Variants in IPO11 observed in about 807,000 individuals in gnomAD.
The protein encoded by IPO11 is importin-11.
In IPO11, 66 loss-of-function variants were observed where a neutral mutation model predicts 143.2. The ratio of observed to expected loss-of-function variants is 0.46; its 90% CI spans 0.38 to 0.57. The LOEUF is 0.57. Ranked by LOEUF, IPO11 falls within the 20% of genes least tolerant of loss-of-function variation. IPO11 has a pLI of 0.00. For synonymous variants in IPO11, 385 were observed against 377.8 expected (o/e 1.02, Z -0.22); for missense variants, 1,026 against 1,141.0 (o/e 0.90, Z 1.45).
intron 5 of IPO11, among the ~76,000 whole-genome samples, chr5:62,454,897 A>G (rs953336958): frequency 6.6e-6 from 1 of 152,208 alleles, no homozygotes; most frequent in African/African-American, 2.4e-5. Context: ...ATATAGGGCA[A>G]AACTTCCAAA....
At chr5:62,586,585 C>T (rs1393110501) in intron 27 of IPO11, among the ~76,000 whole-genome samples, 1 of 151,508 alleles carries the variant, frequency 6.6e-6, no homozygotes, top group East Asian at 1.9e-4. Context: ...AACCCCATCT[C>T]TACTAAAAAT....
chr5:62,618,184 T>C (rs1245627740), intron 29 of IPO11, among the ~76,000 whole-genome samples: 2 of 152,170 alleles, frequency 1.3e-5, no homozygotes, highest in African/African-American at 2.4e-5. Flanking sequence ...AACCAGGTAT[T>C]ACACAAAGGT....
chr5:62,530,588 CTT>C lies in IPO11; in HGVS notation c.2013-120_2013-119del, dbSNP rs1580290076. The C allele has an allele frequency of 1.9e-5, 11 of 590,982 alleles. No individual in the cohort carries two copies. The East Asian group carries it at 3.1e-4, about 17-fold the overall frequency. The allele number at this position is 590,982 out of a possible 1,614,324, so 36.6% of individuals were successfully genotyped here. A position where few individuals can be genotyped will look rare whatever the true frequency, so the allele number is the denominator to read the frequency against. The stretch of plus-strand genomic sequence containing the variant: ...ATTCTTTCTTAGATAATTTTTATAA[CTT>C]AACTGATTATACACTTACCTTTCTT... On this transcript the variant is annotated intron_variant, in intron 21 of 29. Coordinates refer to ENST00000325324, the MANE Select transcript of IPO11 (RefSeq NM_016338.5).
chr5:62,425,570 G>A (rs1179178545), intron 1 of IPO11, among the ~76,000 whole-genome samples: 2 of 151,908 alleles, frequency 1.3e-5, no homozygotes, highest in Non-Finnish European at 2.9e-5. Context: ...CACCCGCCCC[G>A]GCCTCCTAAA....
At chr5:62,535,224 G>A (rs1419500623) in intron 22 of IPO11, among the ~76,000 whole-genome samples, 1 of 151,710 alleles carries the variant, frequency 6.6e-6, no homozygotes, top group Non-Finnish European at 1.5e-5. Flanking sequence ...CTTCTTAAAT[G>A]TTGGTTTTTT....
intron 2 of IPO11, among the ~76,000 whole-genome samples, chr5:62,437,980 G>A (rs976974625): frequency 3.3e-5 from 5 of 152,150 alleles, no homozygotes; most frequent in African/African-American, 1.2e-4. Flanking sequence ...TTTTCTCAAT[G>A]CCAGAATGAA....
chr5:62,511,003 G>A (rs928544686), intron 19 of IPO11, among the ~76,000 whole-genome samples: 3 of 152,090 alleles, frequency 2.0e-5, no homozygotes, highest in African/African-American at 4.8e-5. Flanking sequence ...CAAAGTGCTG[G>A]GATTACAGGC....
intron 29 of IPO11, among the ~76,000 whole-genome samples, chr5:62,607,350 C>A (rs1401193566): frequency 6.6e-6 from 1 of 151,930 alleles, no homozygotes. Context: ...CAACAGGGCA[C>A]CCTGTGGTAG....
At chr5:62,621,422 A>G (rs150988885) in intron 29 of IPO11, among the ~76,000 whole-genome samples, 135 of 152,352 alleles carry the variant, frequency 8.9e-4, no homozygotes, top group African/African-American at 3.1e-3. Flanking sequence ...ACACAGGAAC[A>G]GGAGAGGCCA....
chr5:62,435,064 A>ATATATATGTATATATATGTGTATATATG lies in IPO11; in HGVS notation c.-6-2190_-6-2163dup, dbSNP rs1561308638. 4.5e-5 allele frequency among the ~76,000 whole-genome samples: 5 copies of ATATATATGTATATATATGTGTATATATG among 111,318 alleles called. No homozygotes were observed. In the South Asian group the frequency reaches 1.1e-3, roughly 24 times the overall value. 73.0% of individuals were successfully genotyped at this position (111,318 alleles called of 152,430 possible). A position where few individuals can be genotyped will look rare whatever the true frequency, so the allele number is the denominator to read the frequency against. ...TATGTATATGTGTATATATATATGT[A>ATATATATGTATATATATGTGTATATATG]TATATATGTATATATATGTGTATAT... is the stretch of plus-strand genomic sequence containing the variant. On this transcript the variant is annotated intron_variant, in intron 1 of 29. Transcript: ENST00000325324.
intron 14 of IPO11, 92 bp downstream of exon 14, chr5:62,489,441 T>TA (rs1296176124): frequency 1.3e-6 from 1 of 754,342 alleles, no homozygotes; most frequent in Non-Finnish European, 2.1e-6. Flanking sequence ...GGTGTTGAGA[T>TA]ACAAGAGTAA....
intron 24 of IPO11, among the ~76,000 whole-genome samples, chr5:62,539,136 G>A (rs1742838102): frequency 6.6e-6 from 1 of 151,950 alleles, no homozygotes; most frequent in South Asian, 2.1e-4. Flanking sequence ...CCACAACCTT[G>A]GTGGCTTAAA....
rs79275809 is a variant in IPO11 at position 62,478,572 on chromosome 5, A to C, written c.828+1819A>C. On this transcript the variant is annotated intron_variant, in intron 9 of 29. Transcript: ENST00000325324. ...TCTAGTCAGATTTTAGATTTCTCTG[A>C]TTGTGTCATGAATTTTTCTAGTTTG... Among the ~76,000 whole-genome samples, 1,207 of 152,216 alleles carry C rather than the reference A, an allele frequency of 7.9e-3. 20 individuals carry two copies. Among genetic ancestry groups the C allele is most frequent in the African/African-American group, 0.028 (1,143 of 41,522 alleles).
intron 15 of IPO11, among the ~76,000 whole-genome samples, chr5:62,493,781 T>A (rs755917039): frequency 7.9e-5 from 12 of 152,064 alleles, no homozygotes; most frequent in Non-Finnish European, 1.5e-4. Flanking sequence ...GTTGCCCAGA[T>A]TGGTCTTCAA....
intron 20 of IPO11, among the ~76,000 whole-genome samples, 187 bp downstream of exon 20, chr5:62,515,688 T>G (rs1191728278): frequency 6.6e-6 from 1 of 152,216 alleles, no homozygotes; most frequent in Non-Finnish European, 1.5e-5. Flanking sequence ...TTTTGGACAT[T>G]TTTTTGAGGA....
intron 1 of IPO11, among the ~76,000 whole-genome samples, chr5:62,425,727 A>G (rs1325095965): frequency 6.6e-6 from 1 of 152,256 alleles, no homozygotes; most frequent in East Asian, 1.9e-4. Context: ...CTTAGAAATG[A>G]AAGTAAAGAT....
chr5:62,618,017 TAATATC>T (rs1430199738), intron 29 of IPO11, among the ~76,000 whole-genome samples: 1 of 152,112 alleles, frequency 6.6e-6, no homozygotes, highest in Non-Finnish European at 1.5e-5. Flanking sequence ...TCAGGAAACT[TAATATC>T]TATATATAAA....
At chr5:62,585,181 A>G (rs1390009042) in intron 27 of IPO11, among the ~76,000 whole-genome samples, 1 of 152,172 alleles carries the variant, frequency 6.6e-6, no homozygotes, top group East Asian at 1.9e-4. Flanking sequence ...TATGATACAC[A>G]ACTTAATACA....
intron 28 of IPO11, among the ~76,000 whole-genome samples, chr5:62,598,057 CT>C (rs1745293035): frequency 6.6e-6 from 1 of 152,102 alleles, no homozygotes; most frequent in Non-Finnish European, 1.5e-5. Context: ...TTCCTTATGT[CT>C]TTTTTAAGAT....
Sources: allele counts gnomAD v4.1 joint callset (sites outside exome capture counted in the v4.1 genomes callset), GRCh38; gene constraint gnomAD v4.1.1; transcripts MANE v1.5; gene names NCBI Gene and HGNC (gene_info 2026-07-23, HGNC 2026-07-21).